The following JMJD1C variants were observed in gnomAD, a reference collection of about 807,000 sequenced individuals.
JMJD1C encodes the protein jumonji domain-containing protein 1C.
Under a neutral mutation model 245.3 loss-of-function variants are expected in JMJD1C, and 31 were observed. The ratio of observed to expected loss-of-function variants is 0.13; its 90% confidence interval spans 0.09 to 0.17. JMJD1C has a LOEUF of 0.17. Among genes scored for constraint, JMJD1C ranks in the 10% least tolerant of loss-of-function variants. The pLI is 1.00. For synonymous variants in JMJD1C, 1,057 were observed against 1,017.4 expected (o/e 1.04, Z -0.74); for missense variants, 2,691 against 3,000.2 (o/e 0.90, Z 2.41).
intron 11 of JMJD1C, 137 bp downstream of exon 11, chr10:63,200,339 T>C: frequency 1.5e-6 from 1 of 653,828 alleles, no homozygotes; most frequent in Non-Finnish European, 2.6e-6. Context: ...ATTTAATAAC[T>C]CTTTTATAAT....
chr10:63,485,807 T>C (rs1326623215), intron 1 of JMJD1C, among the ~76,000 whole-genome samples: 3 of 152,146 alleles, frequency 2.0e-5, no homozygotes, highest in Non-Finnish European at 4.4e-5. Context: ...TAGTAAATAC[T>C]TGCAAAGGGC....
intron 1 of JMJD1C, among the ~76,000 whole-genome samples, chr10:63,414,026 G>A (rs193269198): frequency 4.1e-4 from 57 of 139,448 alleles, no homozygotes; most frequent in African/African-American, 1.4e-3. Context: ...TTGCACTGTC[G>A]ACCAGGCTGG....
At chr10:63,439,955 T>C (rs1414409209) in intron 1 of JMJD1C, among the ~76,000 whole-genome samples, 3 of 152,190 alleles carry the variant, frequency 2.0e-5, no homozygotes, top group African/African-American at 7.2e-5. Flanking sequence ...TGAGATACAA[T>C]GATGCCTAAG....
intron 8 of JMJD1C, 75 bp downstream of exon 8, chr10:63,213,398 G>A: frequency 2.3e-6 from 2 of 879,804 alleles, no homozygotes; most frequent in Non-Finnish European, 3.5e-6. Context: ...CTAAAAAATA[G>A]ATGGAATATT....
At chr10:63,382,688 A>G (rs183883701) in intron 1 of JMJD1C, 2 of 437,806 alleles carry the variant, frequency 4.6e-6, no homozygotes, top group Non-Finnish European at 9.2e-6. Context: ...CTCATAGGAC[A>G]TTCAATCATT....
chr10:63,517,678 C>G (rs534649473), intron 1 of JMJD1C, among the ~76,000 whole-genome samples: 2 of 152,164 alleles, frequency 1.3e-5, no homozygotes, highest in Admixed American at 1.3e-4. Context: ...TTCAAGCACT[C>G]CAAGAGACCA....
intron 2 of JMJD1C, among the ~76,000 whole-genome samples, chr10:63,329,836 T>C (rs946048144): frequency 4.6e-5 from 7 of 152,226 alleles, no homozygotes; most frequent in Admixed American, 4.6e-4. Context: ...ACAGAAATTC[T>C]ATAGTTTATT....
chr10:63,344,498 G>A (rs377464256), intron 2 of JMJD1C, among the ~76,000 whole-genome samples: 84 of 152,098 alleles, frequency 5.5e-4, no homozygotes, highest in African/African-American at 2.0e-3. Context: ...ATGGCTATTC[G>A]TAAAAGAGAA....
intron 1 of JMJD1C, among the ~76,000 whole-genome samples, chr10:63,463,844 T>C (rs961978549): frequency 2.6e-5 from 4 of 152,192 alleles, no homozygotes; most frequent in Non-Finnish European, 5.9e-5. Flanking sequence ...ACTCCTATTC[T>C]TTCCAGTCAA....
At chr10:63,295,254 C>A (rs1210139869) in intron 2 of JMJD1C, among the ~76,000 whole-genome samples, 1 of 101,202 alleles carries the variant, frequency 9.9e-6, no homozygotes, top group Non-Finnish European at 2.0e-5. Context: ...GCCACTGTGC[C>A]CAACTAATTT....
intron 2 of JMJD1C, chr10:63,269,399 G>C (rs1213606754): frequency 6.0e-6 from 1 of 165,374 alleles, no homozygotes; most frequent in Non-Finnish European, 1.2e-5. Flanking sequence ...GACAAAGACA[G>C]ACTAGTGGCG....
intron 1 of JMJD1C, among the ~76,000 whole-genome samples, chr10:63,424,707 T>A (rs1950338268): frequency 6.6e-6 from 1 of 151,952 alleles, no homozygotes; most frequent in East Asian, 1.9e-4. Context: ...GGATCTATCA[T>A]TCAGACCTGA....
intron 2 of JMJD1C, among the ~76,000 whole-genome samples, chr10:63,332,140 A>G (rs1942228327): frequency 2.0e-5 from 3 of 152,214 alleles, no homozygotes; most frequent in African/African-American, 2.4e-5. Flanking sequence ...ACCAAACTCT[A>G]TATTAACATT....
At chr10:63,290,523 T>G (rs1455102707) in intron 2 of JMJD1C, among the ~76,000 whole-genome samples, 3 of 152,096 alleles carry the variant, frequency 2.0e-5, no homozygotes, top group Non-Finnish European at 4.4e-5. Flanking sequence ...ATCGCACCAC[T>G]GCACTCCAGC....
At chr10:63,274,234 G>GT (rs1856581038) in intron 2 of JMJD1C, among the ~76,000 whole-genome samples, 1 of 152,172 alleles carries the variant, frequency 6.6e-6, no homozygotes, top group Non-Finnish European at 1.5e-5. Context: ...ACATAAAAAT[G>GT]TAACTCCTAC....
chr10:63,386,035 T>C (rs1004863806), intron 1 of JMJD1C, among the ~76,000 whole-genome samples: 2 of 151,972 alleles, frequency 1.3e-5, no homozygotes, highest in African/African-American at 2.4e-5. Context: ...TTGTAAAGAA[T>C]AAACTCTCTT....
At chr10:63,374,435 T>A (rs967434203) in intron 2 of JMJD1C, among the ~76,000 whole-genome samples, 2 of 152,286 alleles carry the variant, frequency 1.3e-5, no homozygotes, top group East Asian at 1.9e-4. Context: ...AAATAAATAA[T>A]TAATGCTTAC....
chr10:63,518,249 T>C (rs2133307473), intron 1 of JMJD1C, among the ~76,000 whole-genome samples: 1 of 152,310 alleles, frequency 6.6e-6, no homozygotes, highest in Non-Finnish European at 1.5e-5. Context: ...ATGAAGTTAC[T>C]CTTACTTTAG....
chr10:63,489,873 ATGGCT>A (rs1333737406), intron 1 of JMJD1C, among the ~76,000 whole-genome samples: 2 of 152,174 alleles, frequency 1.3e-5, no homozygotes, highest in African/African-American at 4.8e-5. Context: ...GTACCAGTCC[ATGGCT>A]TGTTAGGAAC....
Sources: allele counts gnomAD v4.1 joint callset (sites outside exome capture counted in the v4.1 genomes callset), GRCh38; gene constraint gnomAD v4.1.1; transcripts MANE v1.5; gene names NCBI Gene and HGNC (gene_info 2026-07-23, HGNC 2026-07-21).